Variants in RAB11FIP3 observed in about 807,000 individuals in gnomAD.
The protein encoded by RAB11FIP3 is RAB11 family interacting protein 3.
A neutral mutation model predicts 77.8 loss-of-function variants in RAB11FIP3; 17 were observed. The ratio of observed to expected loss-of-function variants is 0.22; its 90% CI spans 0.15 to 0.33. RAB11FIP3 has a LOEUF of 0.33. Ranked by LOEUF, RAB11FIP3 falls within the 10% of genes least tolerant of loss-of-function variation. The pLI is 1.00. For synonymous variants in RAB11FIP3, 437 were observed against 448.2 expected (o/e 0.98, Z 0.31); for missense variants, 1,005 against 1,011.2 (o/e 0.99, Z 0.08).
rs2141687336 is a variant in RAB11FIP3, at chr16:472,625, G to A, written c.903+1236G>A. On this transcript the variant is annotated intron_variant, in intron 3 of 13. Coordinates refer to ENST00000262305, the MANE Select transcript of RAB11FIP3 (RefSeq NM_014700.4). The surrounding 1 kb of genome is among the most constrained non-coding windows in gnomAD (Gnocchi z 4.1). ...TGGTCTGCAACGTCCGGGGAACTGT[G>A]TGTTCCTGGGCGTTCATGTGCCTGT... Among the ~76,000 whole-genome samples the A allele has an allele frequency of 6.6e-6, 1 of 152,338 alleles. No individual in the cohort carries two copies. Among genetic ancestry groups the A allele is most frequent in the Non-Finnish European group, 1.5e-5 (1 of 68,040 alleles).
chr16:465,040 T>G (rs1011982117), intron 2 of RAB11FIP3, among the ~76,000 whole-genome samples: 1 of 152,182 alleles, frequency 6.6e-6, no homozygotes, highest in Non-Finnish European at 1.5e-5. Flanking sequence ...AGAGGATGCT[T>G]CTTTTCTAAT....
intron 5 of RAB11FIP3, among the ~76,000 whole-genome samples, chr16:492,610 C>T (rs138742225): frequency 6.6e-6 from 1 of 151,014 alleles, no homozygotes; most frequent in East Asian, 1.9e-4. Flanking sequence ...CGTGTGTGTT[C>T]AGCTAGGGGT....
intron 3 of RAB11FIP3, chr16:477,527 G>A (rs1159249061): frequency 1.6e-6 from 1 of 630,248 alleles, no homozygotes; most frequent in African/African-American, 2.0e-5. Context: ...AGACATCCTG[G>A]GCCTGCCTGC....
chr16:488,766 C>A (rs2029909404), intron 4 of RAB11FIP3, 85 bp from the exon 5 acceptor site: 6 of 1,428,250 alleles, frequency 4.2e-6, no homozygotes, highest in Admixed American at 2.1e-5. Context: ...TTGTAGCACA[C>A]CCTATGGAAA....
intron 8 of RAB11FIP3, among the ~76,000 whole-genome samples, chr16:508,029 G>A (rs550419963): frequency 6.6e-6 from 1 of 152,316 alleles, no homozygotes; most frequent in South Asian, 2.1e-4. Context: ...TGGGTCCCAC[G>A]TTTTCTTCTG....
intron 6 of RAB11FIP3, 193 bp from the exon 7 acceptor site, chr16:502,811 A>G: frequency 1.7e-6 from 1 of 589,180 alleles, no homozygotes; most frequent in South Asian, 2.2e-5. Context: ...CCCCTGGTAA[A>G]GATGTCCAGC....
intron 1 of RAB11FIP3, among the ~76,000 whole-genome samples, chr16:447,486 C>G (rs1260793787): frequency 6.6e-6 from 1 of 152,116 alleles, no homozygotes; most frequent in East Asian, 1.9e-4. Context: ...CACCTGTAAT[C>G]CCAGCACTTT....
At chr16:437,991 G>A (rs1257533924) in intron 1 of RAB11FIP3, among the ~76,000 whole-genome samples, 1 of 152,068 alleles carries the variant, frequency 6.6e-6, no homozygotes, top group Non-Finnish European at 1.5e-5. Context: ...TATATTTTTA[G>A]TAGAGATGGG....
intron 3 of RAB11FIP3, chr16:475,082 C>T (rs763115150): frequency 2.3e-5 from 35 of 1,551,284 alleles, no homozygotes; most frequent in East Asian, 1.2e-4. Context: ...TGAGGCCACC[C>T]GGGCCAGCAT....
rs1346336700 is a variant in RAB11FIP3 at position 520,792 on chromosome 16, A to G, written c.2224A>G (p.Ile742Val). ...FRLQDYIDRI[I>V]VAIMETNPSI... ...CCTGCAGGACTACATCGACAGGATC[A>G]TCGTGGCCATCATGGAGACCAACCC... is the stretch of plus-strand genomic sequence containing the variant. Residue 742 changes from isoleucine to valine, a missense_variant, in exon 14 of 14, where the codon ATC becomes GTC. Coordinates refer to ENST00000262305, the MANE Select transcript of RAB11FIP3 (RefSeq NM_014700.4). 2 of 1,613,700 alleles carry G rather than the reference A, an allele frequency of 1.2e-6. No individual in the cohort carries two copies. Among genetic ancestry groups the G allele is most frequent in the Non-Finnish European group, 1.7e-6 (2 of 1,180,030 alleles).
chr16:489,125 T>A, intron 5 of RAB11FIP3, 125 bp downstream of exon 5: 1 of 1,184,436 alleles, frequency 8.4e-7, no homozygotes, highest in Non-Finnish European at 1.1e-6. Flanking sequence ...TGTGATTAAG[T>A]AAACCATATT....
intron 2 of RAB11FIP3, among the ~76,000 whole-genome samples, chr16:463,657 C>T (rs541943089): frequency 3.3e-5 from 5 of 152,052 alleles, no homozygotes; most frequent in Admixed American, 6.5e-5. Flanking sequence ...AGGCTGGTCT[C>T]GAACTCCTGA....
At chr16:491,087 C>G (rs773530253) in intron 5 of RAB11FIP3, 6 of 1,273,750 alleles carry the variant, frequency 4.7e-6, no homozygotes, top group Non-Finnish European at 1.0e-6. Flanking sequence ...CACAGATGAC[C>G]ACACGGGTCC....
intron 2 of RAB11FIP3, among the ~76,000 whole-genome samples, chr16:464,195 G>A (rs976721135): frequency 6.6e-6 from 1 of 152,144 alleles, no homozygotes; most frequent in Non-Finnish European, 1.5e-5. Context: ...AGGAGAAGGG[G>A]GAGGAAGAGG....
In RAB11FIP3 at chr16:497,326, G is replaced by A. The variant is rs1231510200; in HGVS notation, c.1301+467G>A. ...GATCTGTTGGCTTCCTGCTGTGAAA[G>A]ATGGCAACATACACTTTTATCTTCC... On this transcript the variant is annotated intron_variant, in intron 6 of 13. Transcript: ENST00000262305. The A allele has an allele frequency of 2.3e-6, 3 of 1,304,196 alleles. No homozygotes were observed. In the South Asian group the frequency reaches 3.7e-5, roughly 16 times the overall value. The allele number at this position is 1,304,196 out of a possible 1,614,324, so 80.8% of individuals were successfully genotyped here. A position where few individuals can be genotyped will look rare whatever the true frequency, so the allele number is the denominator to read the frequency against.
chr16:466,741 C>G (rs2055707363), intron 2 of RAB11FIP3, among the ~76,000 whole-genome samples: 1 of 152,194 alleles, frequency 6.6e-6, no homozygotes, highest in Non-Finnish European at 1.5e-5. Flanking sequence ...GGGGCCTTCT[C>G]CCAGACACCG....
At chr16:447,599 G>A (rs985053563) in intron 1 of RAB11FIP3, among the ~76,000 whole-genome samples, 1 of 152,166 alleles carries the variant, frequency 6.6e-6, no homozygotes, top group South Asian at 2.1e-4. Context: ...TTAGCCGGGC[G>A]TGGTGGCAGG....
In RAB11FIP3 at chr16:426,297, G is replaced by A; in HGVS notation, c.291G>A (p.Arg97=). 7.9e-7 allele frequency: 1 copy of A among 1,265,904 alleles called. No homozygotes were observed. Among genetic ancestry groups the A allele is most frequent in the South Asian group, 3.2e-5 (1 of 31,314 alleles). The allele number at this position is 1,265,904 out of a possible 1,614,324, so 78.4% of individuals were successfully genotyped here. Residue 97 remains arginine (R), a synonymous_variant, in exon 1 of 14, where the codon CGG becomes CGA. Coordinates refer to ENST00000262305, the MANE Select transcript of RAB11FIP3 (RefSeq NM_014700.4). This position sits in a 1 kb window ranked among gnomAD's most constrained non-coding sequence, Gnocchi z 5.0. ...CCCCGCCGCCGCGCTCCGGCCCGCGGGGGCAGCTTGCGAGCCCCGACGCCC... is the reference window on the plus strand; with the variant it reads ...CCCCGCCGCCGCGCTCCGGCCCGCGAGGGCAGCTTGCGAGCCCCGACGCCC... ...PSAPPPRSGP[R]GQLASPDAPG...
chr16:487,234 C>T (rs1160792964), intron 4 of RAB11FIP3, among the ~76,000 whole-genome samples: 2 of 151,926 alleles, frequency 1.3e-5, no homozygotes, highest in Non-Finnish European at 2.9e-5. Context: ...AGGTTCACAC[C>T]ATTCTCCTGT....
Sources: allele counts gnomAD v4.1 joint callset (sites outside exome capture counted in the v4.1 genomes callset), GRCh38; gene constraint gnomAD v4.1.1; non-coding constraint Gnocchi (gnomAD v3.1); transcripts MANE v1.5; gene names NCBI Gene and HGNC (gene_info 2026-07-23, HGNC 2026-07-21).